The following PNKD variants were observed in gnomAD, a reference collection of about 807,000 sequenced individuals.
The protein encoded by PNKD is probable thioesterase PNKD.
PNKD carries 36 observed loss-of-function variants against 45.3 expected under a neutral mutation model. That is an observed-to-expected ratio of 0.80 (90% CI 0.61 to 1.05). The LOEUF is 1.05. PNKD is among the 50% of genes least tolerant of loss of function. PNKD has a pLI of 0.00. For synonymous variants in PNKD, 197 were observed against 210.1 expected, an observed-to-expected ratio of 0.94 and a Z score of 0.54; for missense variants, 511 against 506.6, an observed-to-expected ratio of 1.01 and a Z score of -0.08.
At chr2:218,282,282 G>A in intron 2 of PNKD, 2 of 651,578 alleles carry the variant, frequency 3.1e-6, no homozygotes, top group Non-Finnish European at 4.9e-6. Flanking sequence ...TCCGTGGAGA[G>A]GAACACCACC....
At chr2:218,292,944 C>T (rs1420725506) in intron 2 of PNKD, among the ~76,000 whole-genome samples, 1 of 152,238 alleles carries the variant, frequency 6.6e-6, no homozygotes, top group African/African-American at 2.4e-5. Context: ...AAAGCACAAT[C>T]TTAATGCCGT....
intron 2 of PNKD, chr2:218,279,564 C>T (rs1265827942): frequency 7.5e-6 from 4 of 531,282 alleles, no homozygotes; most frequent in South Asian, 2.6e-5. Context: ...CCCTCCTGTC[C>T]AACACCAGCC....
chr2:218,316,356 A>G (rs1193382018), intron 2 of PNKD, among the ~76,000 whole-genome samples: 4 of 135,810 alleles, frequency 2.9e-5, no homozygotes, highest in African/African-American at 8.5e-5. Flanking sequence ...TGCAACCTCC[A>G]CCTCCCAGGT....
At chr2:218,327,379 C>T (rs1694183969) in intron 2 of PNKD, among the ~76,000 whole-genome samples, 2 of 152,286 alleles carry the variant, frequency 1.3e-5, no homozygotes, top group South Asian at 2.1e-4. Flanking sequence ...CTCCCAGCCC[C>T]CCGAATGAGG....
intron 2 of PNKD, chr2:218,327,867 C>CA (rs1694198070): frequency 6.7e-6 from 1 of 149,998 alleles, no homozygotes; most frequent in Non-Finnish European, 1.5e-5. Flanking sequence ...CTGGGCCAGC[C>CA]AGGAGAATCG....
At chr2:218,303,574 CTTTTT>C (rs59067154) in intron 2 of PNKD, among the ~76,000 whole-genome samples, 1 of 101,664 alleles carries the variant, frequency 9.8e-6, no homozygotes. Context: ...ACCTGCACTT[CTTTTT>C]TTTTTTTTTT....
At chr2:218,277,534 C>T in intron 2 of PNKD, 3 of 1,606,390 alleles carry the variant, frequency 1.9e-6, no homozygotes, top group Non-Finnish European at 2.6e-6. Context: ...CAGAGGGGAC[C>T]TGCCCAGAAT....
Position 218,340,079 on chromosome 2 carries a change from A to G in PNKD, c.403A>G (p.Ile135Val). The G allele has an allele frequency of 1.2e-6, 2 of 1,613,490 alleles. No individual in the cohort carries two copies. The highest frequency in any genetic ancestry group is 2.2e-5 in the East Asian group (1 of 44,870). ...PVLSDNYSYL[I>V]IDTQAQLAVA... ...CCTCTCGGACAACTACAGCTACCTC[A>G]TCATCGACACCCAGGCCCAGCTGGC... The change falls in exon 4 of 10, where the codon ATC becomes GTC. Residue 135 changes from isoleucine (I) to valine (V), a missense_variant. Transcript: ENST00000273077. The surrounding 1 kb of genome is among the most constrained non-coding windows in gnomAD (Gnocchi z 4.2).
intron 2 of PNKD, among the ~76,000 whole-genome samples, chr2:218,293,774 T>G (rs1203320741): frequency 2.4e-5 from 2 of 84,434 alleles, no homozygotes; most frequent in African/African-American, 5.2e-5. Context: ...TTGTTTGTTT[T>G]GTTTGGTTTG....
In PNKD at chr2:218,277,478, C is replaced by G. The variant is rs755258967; in HGVS notation, c.236+5929C>G. 4 of 1,613,312 alleles carry G rather than the reference C, an allele frequency of 2.5e-6. No individual in the cohort carries two copies. In the South Asian group the frequency reaches 4.4e-5, roughly 18 times the overall value. ...ACTGGGGAGAAGCAGGAGTTACAGA[C>G]AAGAGGCATTAAGCCACGTATGAAT... is the stretch of plus-strand genomic sequence containing the variant. On this transcript the variant is annotated intron_variant, in intron 2 of 9. Coordinates refer to ENST00000273077, the MANE Select transcript of PNKD (RefSeq NM_015488.5).
At chr2:218,278,800 G>C (rs1691540812) in intron 2 of PNKD, among the ~76,000 whole-genome samples, 1 of 152,232 alleles carries the variant, frequency 6.6e-6, no homozygotes, top group Admixed American at 6.5e-5. Flanking sequence ...GAGAGGACAT[G>C]GGGGCTGCAG....
At chr2:218,296,671 T>TTTTC (rs888979453) in intron 2 of PNKD, among the ~76,000 whole-genome samples, 26 of 148,540 alleles carry the variant, frequency 1.8e-4, no homozygotes, top group Admixed American at 2.6e-4. Context: ...CTGTTTTTCT[T>TTTTC]TTTCTTTCTT....
intron 2 of PNKD, among the ~76,000 whole-genome samples, chr2:218,331,748 G>A (rs141356335): frequency 5.2e-4 from 79 of 152,240 alleles, no homozygotes; most frequent in African/African-American, 1.8e-3. Context: ...GATTACAGGC[G>A]TGAGCCACCG....
chr2:218,344,596 G>A, intron 9 of PNKD, 26 bp downstream of exon 9: 1 of 1,571,340 alleles, frequency 6.4e-7, no homozygotes, highest in Non-Finnish European at 8.7e-7. Context: ...TCCAGGAGGA[G>A]CTGTGTGGGC....
intron 9 of PNKD, 57 bp downstream of exon 9, chr2:218,344,627 A>T: frequency 6.7e-7 from 1 of 1,494,988 alleles, no homozygotes; most frequent in Non-Finnish European, 9.3e-7. Context: ...CCCCAACGGG[A>T]ACCCATCCAT....
At chr2:218,334,655 A>G (rs934845794) in intron 2 of PNKD, 3 of 701,342 alleles carry the variant, frequency 4.3e-6, no homozygotes, top group African/African-American at 1.7e-5. Context: ...ACCCAAAAAA[A>G]GAATTATAGA....
chr2:218,295,492 G>A (rs1397235633), intron 2 of PNKD, among the ~76,000 whole-genome samples: 1 of 152,228 alleles, frequency 6.6e-6, no homozygotes, highest in Non-Finnish European at 1.5e-5. Context: ...GGAGTTCAGA[G>A]GAGGTGACAC....
rs1025922436 is a variant in PNKD, at chr2:218,342,071, C to A, written c.708C>A (p.Tyr236Ter). The A allele has an allele frequency of 2.5e-6, 4 of 1,612,414 alleles. No individual in the cohort carries two copies. The highest frequency in any genetic ancestry group is 1.7e-5 in the Admixed American group (1 of 60,018). Reference protein sequence around the residue: ...TPGHTQGHLVYLLDGEPYKGP... With the variant: ...TPGHTQGHLV ...GCCACACACAAGGCCATCTGGTCTACCTACTGGATGGGGAGCCCTACAAGG... is the reference window on the plus strand; with the variant it reads ...GCCACACACAAGGCCATCTGGTCTAACTACTGGATGGGGAGCCCTACAAGG... Residue 236 changes from tyrosine (Y) to a stop codon, truncating the protein, a stop_gained, in exon 7 of 10, where the codon TAC becomes TAA. Coordinates refer to ENST00000273077, the MANE Select transcript of PNKD (RefSeq NM_015488.5). LOFTEE classifies it high-confidence loss of function.
intron 2 of PNKD, among the ~76,000 whole-genome samples, chr2:218,310,652 C>T (rs1442218408): frequency 6.5e-5 from 8 of 122,430 alleles, no homozygotes; most frequent in South Asian, 5.3e-4. Flanking sequence ...AGTACAGTGG[C>T]GCCATCTCGG....
Sources: allele counts gnomAD v4.1 joint callset (sites outside exome capture counted in the v4.1 genomes callset), GRCh38; gene constraint gnomAD v4.1.1; non-coding constraint Gnocchi (gnomAD v3.1); transcripts MANE v1.5; gene names NCBI Gene and HGNC (gene_info 2026-07-23, HGNC 2026-07-21).